The following HEMK2 variants were observed in gnomAD, a reference collection of about 807,000 sequenced individuals.
HEMK2 encodes the protein HemK methyltransferase 2, ETF1 glutamine and histone H4 lysine.
chr21:28,779,203 A>C, the HEMK2 span, among the ~76,000 whole-genome samples: 1 of 152,252 alleles, frequency 6.6e-6, no homozygotes, highest in African/African-American at 2.4e-5. Context: ...AAGAGGTGGA[A>C]GTAAACTAAG....
chr21:28,737,750 C>A, the HEMK2 span, among the ~76,000 whole-genome samples: 4 of 152,216 alleles, frequency 2.6e-5, no homozygotes, highest in African/African-American at 9.6e-5. Flanking sequence ...ACATACATCA[C>A]TTCACTGCTC....
chr21:28,788,954 A>G, the HEMK2 span, among the ~76,000 whole-genome samples: 1 of 152,148 alleles, frequency 6.6e-6, no homozygotes, highest in South Asian at 2.1e-4. Flanking sequence ...GCATCTACAA[A>G]CCAGGGAATG....
chr21:28,781,896 C>G, the HEMK2 span, among the ~76,000 whole-genome samples: 2 of 152,204 alleles, frequency 1.3e-5, no homozygotes, highest in South Asian at 2.1e-4. Context: ...TAAACAGACA[C>G]TGTTATCAGG....
the HEMK2 span, chr21:28,878,414 T>G: frequency 6.6e-7 from 1 of 1,525,750 alleles, no homozygotes; most frequent in Non-Finnish European, 9.0e-7. Flanking sequence ...ACAAGTAATA[T>G]CACCAAAAAA....
the HEMK2 span, among the ~76,000 whole-genome samples, chr21:28,855,935 C>T: frequency 6.6e-6 from 1 of 152,148 alleles, no homozygotes; most frequent in Non-Finnish European, 1.5e-5. Context: ...AATTAACAAC[C>T]TAACATTACA....
chr21:28,713,294 C>T, the HEMK2 span, among the ~76,000 whole-genome samples: 2 of 152,120 alleles, frequency 1.3e-5, no homozygotes, highest in South Asian at 2.1e-4. Flanking sequence ...GGGAGGACAG[C>T]GAGAGCAAAC....
the HEMK2 span, among the ~76,000 whole-genome samples, chr21:28,599,755 A>T: frequency 6.6e-6 from 1 of 152,270 alleles, no homozygotes. Context: ...CGGTAAAATT[A>T]AAAGCAAGTT....
the HEMK2 span, among the ~76,000 whole-genome samples, chr21:28,829,840 T>C: frequency 1.6e-4 from 24 of 152,318 alleles, no homozygotes; most frequent in East Asian, 5.8e-4. Context: ...GAAAATTTCA[T>C]TGATACCCAT....
chr21:28,713,595 C>G, the HEMK2 span, among the ~76,000 whole-genome samples: 1 of 152,290 alleles, frequency 6.6e-6, no homozygotes, highest in African/African-American at 2.4e-5. Context: ...CATTTAACTC[C>G]CATTCCTCCT....
the HEMK2 span, among the ~76,000 whole-genome samples, chr21:28,696,950 G>C: frequency 2.6e-5 from 4 of 152,176 alleles, no homozygotes; most frequent in Non-Finnish European, 5.9e-5. Flanking sequence ...GCTGGGACAC[G>C]GGGCACCATG....
chr21:28,816,235 A>T, the HEMK2 span, among the ~76,000 whole-genome samples: 2 of 151,620 alleles, frequency 1.3e-5, no homozygotes, highest in Non-Finnish European at 1.5e-5. Context: ...CTAATACAAT[A>T]GTGATATTCT....
chr21:28,726,657 C>G, the HEMK2 span, among the ~76,000 whole-genome samples: 1 of 152,234 alleles, frequency 6.6e-6, no homozygotes, highest in African/African-American at 2.4e-5. Context: ...CCCGTAATCC[C>G]AGCACTTTGG....
At chr21:28,773,293 T>C in the HEMK2 span, among the ~76,000 whole-genome samples, 1 of 152,160 alleles carries the variant, frequency 6.6e-6, no homozygotes, top group African/African-American at 2.4e-5. Context: ...TTAATTAAAG[T>C]AGGATCTTCT....
At chr21:28,796,732 T>C in the HEMK2 span, among the ~76,000 whole-genome samples, 19 of 152,114 alleles carry the variant, frequency 1.2e-4, no homozygotes, top group Non-Finnish European at 4.4e-5. Context: ...ACTCAGCTAA[T>C]TTTTATTAAT....
At chr21:28,797,251 C>T in the HEMK2 span, among the ~76,000 whole-genome samples, 1 of 152,000 alleles carries the variant, frequency 6.6e-6, no homozygotes, top group Admixed American at 6.6e-5. Context: ...AAAGGAAGGA[C>T]AGGAAATGAG....
At chr21:28,604,830 T>C in the HEMK2 span, among the ~76,000 whole-genome samples, 1 of 152,348 alleles carries the variant, frequency 6.6e-6, no homozygotes, top group Admixed American at 6.5e-5. Flanking sequence ...CTTTGCCCAC[T>C]TTCCTGCTTT....
At chr21:28,745,296 T>A in the HEMK2 span, among the ~76,000 whole-genome samples, 1 of 152,198 alleles carries the variant, frequency 6.6e-6, no homozygotes, top group Non-Finnish European at 1.5e-5. Context: ...CTGAAAATCG[T>A]TAACGATATT....
the HEMK2 span, among the ~76,000 whole-genome samples, chr21:28,687,085 TGG>T: frequency 6.6e-6 from 1 of 152,216 alleles, no homozygotes; most frequent in Non-Finnish European, 1.5e-5. Context: ...GTTTCCACAG[TGG>T]GCCCCTCTCA....
At chr21:28,647,899 C>T in the HEMK2 span, among the ~76,000 whole-genome samples, 2 of 152,246 alleles carry the variant, frequency 1.3e-5, no homozygotes, top group Non-Finnish European at 1.5e-5. Flanking sequence ...AAAGATCAAA[C>T]TTTCCCTCTT....
Sources: gnomAD v4.1 joint callset for allele counts (sites outside exome capture counted in the v4.1 genomes callset) on GRCh38, gnomAD v4.1.1 for gene constraint, MANE v1.5 for transcripts, NCBI Gene and HGNC (gene_info 2026-07-23, HGNC 2026-07-21) for gene names.